Variants in PCDH1 observed in about 807,000 individuals in gnomAD.
PCDH1 encodes protocadherin-1.
A neutral mutation model predicts 74.6 loss-of-function variants in PCDH1; 23 were observed. That is an observed-to-expected ratio of 0.31 (90% CI 0.22 to 0.44). PCDH1 has a LOEUF of 0.44. PCDH1 is among the 20% of genes least tolerant of loss of function. The probability of loss-of-function intolerance (pLI) is 1.00; values close to 1 mark genes in which losing one functional copy is unlikely to be tolerated. For synonymous variants in PCDH1, 647 were observed against 686.1 expected, an observed-to-expected ratio of 0.94 and a Z score of 0.89; for missense variants, 1,214 against 1,641.4, an observed-to-expected ratio of 0.74 and a Z score of 4.50.
At chr5:141,874,565 G>A (rs1031010253) in intron 1 of PCDH1, among the ~76,000 whole-genome samples, 1 of 152,182 alleles carries the variant, frequency 6.6e-6, no homozygotes, top group Non-Finnish European at 1.5e-5. Context: ...AGGAGGGGAC[G>A]GAGTCCCAGA....
intron 2 of PCDH1, among the ~76,000 whole-genome samples, chr5:141,866,776 C>T (rs901368231): frequency 1.2e-4 from 18 of 152,116 alleles, no homozygotes; most frequent in East Asian, 3.8e-4. Context: ...TGACATTGCC[C>T]GGCACAGGGA....
rs756231603 is a variant in PCDH1 at position 141,865,265 on chromosome 5, A to G, written c.1066T>C (p.Ser356Pro). The change falls in exon 3 of 5, where the codon TCA becomes CCA. Residue 356 changes from serine (S) to proline (P), a missense_variant. Physicochemically the swap from Ser to Pro is moderately conservative, Grantham distance 74 (BLOSUM62 -1). This residue lies in a region of PCDH1 where 836 missense variants were observed against 1,182.2 expected (regional missense o/e 0.71). Transcript: ENST00000287008. The surrounding 1 kb of genome is among the most constrained non-coding windows in gnomAD (Gnocchi z 4.4). ...DREDLSTLRFSVLAKDRGTNP... is the reference protein window; with the variant it reads ...DREDLSTLRFPVLAKDRGTNP... ...GTGCCTCGGTCCTTAGCAAGCACTG[A>G]GAAGCGCAGGGTGCTTAGGTCCTCA... The G allele has an allele frequency of 6.2e-7, 1 of 1,614,148 alleles. No homozygotes were observed. The highest frequency in any genetic ancestry group is 1.1e-5 in the South Asian group (1 of 91,084).
At chr5:141,862,930 C>T in intron 3 of PCDH1, 1 of 1,233,110 alleles carries the variant, frequency 8.1e-7, no homozygotes, top group Non-Finnish European at 1.0e-6. Context: ...CCTACCACCC[C>T]CAACCCATAA....
chr5:141,866,218 C>G, intron 2 of PCDH1: 1 of 985,542 alleles, frequency 1.0e-6, no homozygotes, highest in Non-Finnish European at 1.2e-6. Flanking sequence ...CTCCTCCCGA[C>G]TGGCACCGGC....
At chr5:141,875,711 T>C (rs1753209653) in intron 1 of PCDH1, among the ~76,000 whole-genome samples, 1 of 152,090 alleles carries the variant, frequency 6.6e-6, no homozygotes, top group Non-Finnish European at 1.5e-5. Context: ...GGGTAAAAAC[T>C]AAATGCGGCC....
intron 3 of PCDH1, among the ~76,000 whole-genome samples, chr5:141,861,926 G>C (rs758505303): frequency 6.6e-6 from 1 of 152,134 alleles, no homozygotes; most frequent in Non-Finnish European, 1.5e-5. Context: ...TGGGGAGGGA[G>C]GTAGCATCAC....
chr5:141,878,169 A>C lies in PCDH1; in HGVS notation c.40+54T>G. ...GCCCCTCCCTCAGCTCCCGCCGGCCATGACCGCTTCGGGCCCCAAGCCGCT... is the reference window on the plus strand; with the variant it reads ...GCCCCTCCCTCAGCTCCCGCCGGCCCTGACCGCTTCGGGCCCCAAGCCGCT... On this transcript the variant is annotated intron_variant, in intron 1 of 4. Transcript: ENST00000287008. This position sits in a 1 kb window ranked among gnomAD's most constrained non-coding sequence, Gnocchi z 5.5. The C allele has an allele frequency of 7.1e-7, 1 of 1,416,824 alleles. No homozygotes were observed. The allele number at this position is 1,416,824 out of a possible 1,614,324, so 87.8% of individuals were successfully genotyped here. A position where few individuals can be genotyped will look rare whatever the true frequency, so the allele number is the denominator to read the frequency against.
chr5:141,871,869 C>CCCGATT (rs1238971818), intron 1 of PCDH1, among the ~76,000 whole-genome samples: 1 of 152,146 alleles, frequency 6.6e-6, no homozygotes. Context: ...TGCTCACTTA[C>CCCGATT]CCGATTCCCC....
chr5:141,876,161 G>A (rs553931974), intron 1 of PCDH1, among the ~76,000 whole-genome samples: 3 of 152,228 alleles, frequency 2.0e-5, no homozygotes, highest in Admixed American at 1.3e-4. Flanking sequence ...GGGGGACGGC[G>A]GCAGTTTCTT....
rs543272417 is a variant in PCDH1, at chr5:141,860,838, G to C, written c.3099+2394C>G. Among the ~76,000 whole-genome samples, 17 of 152,168 alleles carry C rather than the reference G, an allele frequency of 1.1e-4. No homozygotes were observed. The South Asian group carries it at 3.5e-3, about 32-fold the overall frequency. ...GACTCAAAAAATGGAAGTGAGTGCC[G>C]GGCATGGTGGCTCATGCCTGTAATC... On this transcript the variant is annotated intron_variant, in intron 3 of 4. Coordinates refer to ENST00000287008, the MANE Select transcript of PCDH1 (RefSeq NM_032420.5).
rs774136762 is a variant in PCDH1, at chr5:141,869,176, A to G, written c.296T>C (p.Leu99Pro). ...GTCACCTGTCTTGCCATCCACGCGA[A>G]GGTACGGGGCACCCACCTCTAGCTT... ...LYKLEVGAPYLRVDGKTGDIF... is the reference protein window; with the variant it reads ...LYKLEVGAPYPRVDGKTGDIF... The change falls in exon 2 of 5, where the codon CTT (leucine) becomes CCT (proline). Residue 99 changes from leucine to proline, a missense_variant. Physicochemically the swap from Leu to Pro is moderately conservative, Grantham distance 98. This residue lies in a region of PCDH1 where 97 missense variants were observed against 173.2 expected (regional missense o/e 0.56). Transcript: ENST00000287008. This position sits in a 1 kb window ranked among gnomAD's most constrained non-coding sequence, Gnocchi z 4.9. 6.2e-7 allele frequency: 1 copy of G among 1,613,916 alleles called. No individual in the cohort carries two copies. Among genetic ancestry groups the G allele is most frequent in the Admixed American group, 1.7e-5 (1 of 59,994 alleles).
In PCDH1 at chr5:141,854,310, G is replaced by T; in HGVS notation, c.3446C>A (p.Ala1149Asp). The change falls in exon 5 of 5, where the codon GCC becomes GAC. Residue 1149 changes from alanine (A) to aspartate (D), a missense_variant. This residue lies in a region of PCDH1 where 194 missense variants were observed against 198.3 expected (regional missense o/e 0.98). Transcript: ENST00000287008. ...SSPSRRTKSS[A>D]LKLSTFVPYQ... ...AGGCACGAAGGTGGAGAGTTTGAGGGCGCTGCTCTTGGTCCGGCGGCTGGG... is the reference window on the plus strand; with the variant it reads ...AGGCACGAAGGTGGAGAGTTTGAGGTCGCTGCTCTTGGTCCGGCGGCTGGG... 2 of 1,613,774 alleles carry T rather than the reference G, an allele frequency of 1.2e-6. No homozygotes were observed. Among genetic ancestry groups the T allele is most frequent in the Non-Finnish European group, 1.7e-6 (2 of 1,179,916 alleles).
rs1183507664 is a variant in PCDH1, at chr5:141,878,370, C to A, written c.-108G>T. 1 of 851,846 alleles carries A rather than the reference C, an allele frequency of 1.2e-6. No homozygotes were observed. Among genetic ancestry groups the A allele is most frequent in the Non-Finnish European group, 1.5e-6 (1 of 664,146 alleles). The allele number at this position is 851,846 out of a possible 1,614,324, so 52.8% of individuals were successfully genotyped here. ...GCTGGCTCTGGGCGCAGCAGCCCGGCGGCTTTGCGTCCGCGCCGCGCTCCC... is the reference window on the plus strand; with the variant it reads ...GCTGGCTCTGGGCGCAGCAGCCCGGAGGCTTTGCGTCCGCGCCGCGCTCCC... On this transcript the variant is annotated 5_prime_UTR_variant, in exon 1 of 5. Transcript: ENST00000287008. This position sits in a 1 kb window ranked among gnomAD's most constrained non-coding sequence, Gnocchi z 5.5.
rs753491335 is a variant in PCDH1, at chr5:141,865,936, GAT to G, written c.904-511_904-510del. 33 of 550,684 alleles carry G rather than the reference GAT, an allele frequency of 6.0e-5. No homozygotes were observed. The highest frequency in any genetic ancestry group is 1.1e-4 in the Admixed American group (2 of 18,934). 34.1% of individuals were successfully genotyped at this position (550,684 alleles called of 1,614,324 possible). On this transcript the variant is annotated intron_variant, in intron 2 of 4. Coordinates refer to ENST00000287008, the MANE Select transcript of PCDH1 (RefSeq NM_032420.5). The surrounding 1 kb of genome is among the most constrained non-coding windows in gnomAD (Gnocchi z 4.4). ...TGTGTCAGAATGTGTGATTAAATGT[GAT>G]ATGTTTGTGTGAGAAGGTATATGTG...
intron 3 of PCDH1, among the ~76,000 whole-genome samples, chr5:141,861,331 T>C (rs1335941123): frequency 6.6e-6 from 1 of 152,048 alleles, no homozygotes; most frequent in African/African-American, 2.4e-5. Flanking sequence ...CCTGTGTGTG[T>C]TGATGATGAC....
chr5:141,869,375 C>G lies in PCDH1; in HGVS notation c.97G>C (p.Gly33Arg), dbSNP rs1753022961. 1.9e-6 allele frequency: 3 copies of G among 1,597,402 alleles called. No individual in the cohort carries two copies. In the African/African-American group the frequency reaches 4.0e-5, roughly 21 times the overall value. Residue 33 changes from glycine to arginine, a missense_variant, in exon 2 of 5, where the codon GGG (glycine) becomes CGG (arginine). This residue lies in a region of PCDH1 where 87 missense variants were observed against 87.7 expected (regional missense o/e 0.99). Transcript: ENST00000287008. The surrounding 1 kb of genome is among the most constrained non-coding windows in gnomAD (Gnocchi z 4.9). ...GAGGGCAGCAGTAGCCGTTGCCCCC[C>G]AGGGCCTGGGCTGTGCCTCAGGTGC... The part of the protein sequence containing the change: ...MEHLRHSPGP[G>R]GQRLLLPSML...
In PCDH1 at chr5:141,869,359, A is replaced by C; in HGVS notation, c.113T>G (p.Leu38Arg). The change falls in exon 2 of 5, where the codon CTG becomes CGG. Residue 38 changes from leucine to arginine, a missense_variant. By Grantham distance (102) the Leu-to-Arg change is moderately radical. Transcript: ENST00000287008. The surrounding 1 kb of genome is among the most constrained non-coding windows in gnomAD (Gnocchi z 4.9). ...CAGTGCTAGCAGCATGGAGGGCAGC[A>C]GTAGCCGTTGCCCCCCAGGGCCTGG... ...HSPGPGGQRL[L>R]LPSMLLALLL... 6.3e-7 allele frequency: 1 copy of C among 1,597,192 alleles called. No individual in the cohort carries two copies. Among genetic ancestry groups the C allele is most frequent in the Non-Finnish European group, 8.5e-7 (1 of 1,174,912 alleles).
intron 3 of PCDH1, 55 bp from the exon 4 acceptor site, chr5:141,857,526 C>T: frequency 6.8e-7 from 1 of 1,472,978 alleles, no homozygotes; most frequent in Non-Finnish European, 9.3e-7. Context: ...CAGGGCCCAC[C>T]ACCATACCAG....
intron 3 of PCDH1, among the ~76,000 whole-genome samples, chr5:141,860,900 G>A (rs1752538644): frequency 6.6e-6 from 1 of 152,112 alleles, no homozygotes; most frequent in African/African-American, 2.4e-5. Flanking sequence ...CAGATCGCCT[G>A]AGGTCAGGAG....
Sources: allele counts gnomAD v4.1 joint callset (sites outside exome capture counted in the v4.1 genomes callset), GRCh38; gene constraint gnomAD v4.1.1; regional missense constraint gnomAD v4.1.1; non-coding constraint Gnocchi (gnomAD v3.1); transcripts MANE v1.5; gene names NCBI Gene and HGNC (gene_info 2026-07-23, HGNC 2026-07-21).